The following KCNQ3 variants were observed in gnomAD, a reference collection of about 807,000 sequenced individuals.
KCNQ3 encodes potassium voltage-gated channel subfamily KQT member 3.
In KCNQ3, 30 loss-of-function variants were observed where a neutral mutation model predicts 92.5. The observed-to-expected ratio is 0.32, with a 90% CI of 0.24 to 0.44. KCNQ3 has a LOEUF of 0.44. Among genes scored for constraint, KCNQ3 ranks in the 20% least tolerant of loss-of-function variants. The probability of loss-of-function intolerance (pLI) is 1.00; values close to 1 mark genes in which losing one functional copy is unlikely to be tolerated. For missense variants in KCNQ3, 913 were observed against 1,140.3 expected (o/e 0.80, Z 2.87); for synonymous variants, 450 against 468.8 (o/e 0.96, Z 0.52).
intron 4 of KCNQ3, among the ~76,000 whole-genome samples, chr8:132,179,604 G>T (rs1826683020): frequency 6.6e-6 from 1 of 152,092 alleles, no homozygotes; most frequent in Non-Finnish European, 1.5e-5. Context: ...CATGAGCTTG[G>T]TACCTTCTAA....
chr8:132,333,443 T>C lies in KCNQ3; in HGVS notation c.386+146704A>G, dbSNP rs535303726. Reference sequence around the variant, plus strand: ...TCAGGGGAAAGGGTCTTAGGAAAGCTGGGAGTCAGCATTTTAAGGAAGCCG... The same window carrying C: ...TCAGGGGAAAGGGTCTTAGGAAAGCCGGGAGTCAGCATTTTAAGGAAGCCG... On this transcript the variant is annotated intron_variant, in intron 1 of 14. Transcript: ENST00000388996. 3.9e-5 allele frequency among the ~76,000 whole-genome samples: 6 copies of C among 152,334 alleles called. No individual in the cohort carries two copies. The East Asian group carries it at 1.2e-3, about 29-fold the overall frequency.
intron 1 of KCNQ3, among the ~76,000 whole-genome samples, chr8:132,455,957 G>A (rs1821928923): frequency 6.6e-6 from 1 of 151,858 alleles, no homozygotes; most frequent in Admixed American, 6.6e-5. Flanking sequence ...GTGTTAGCCA[G>A]GATGGTCTCG....
Position 132,184,245 on chromosome 8 carries a change from C to A in KCNQ3, c.600G>T (p.Met200Ile), listed in dbSNP as rs764464104. Residue 200 changes from methionine (M) to isoleucine (I), a missense_variant, in exon 3 of 15, where the codon ATG (methionine) becomes ATT (isoleucine). Physicochemically the swap from Met to Ile is conservative, Grantham distance 10 (BLOSUM62 1). Transcript: ENST00000388996. ...RLKFARKPLCMLDIFVLIASV... is the reference protein window; with the variant it reads ...RLKFARKPLCILDIFVLIASV... ...AGGCTCAGGGTCAGGACTTACCCAACATGCACAGGGGCTTCCTGGCAAACT... is the reference window on the plus strand; with the variant it reads ...AGGCTCAGGGTCAGGACTTACCCAAAATGCACAGGGGCTTCCTGGCAAACT... 1.1e-5 allele frequency: 17 copies of A among 1,614,094 alleles called. No homozygotes were observed. Among genetic ancestry groups the A allele is most frequent in the Admixed American group, 1.7e-5 (1 of 60,004 alleles).
Position 132,187,821 on chromosome 8 carries a change from G to GATA in KCNQ3, c.387-1641_387-1640insTAT, listed in dbSNP as rs1827031159. On this transcript the variant is annotated intron_variant, in intron 1 of 14. Coordinates refer to ENST00000388996, the MANE Select transcript of KCNQ3 (RefSeq NM_004519.4). Reference sequence around the variant, plus strand: ...TGGTGATAGTGATGGTGGTGGTGGTGGTGGTGGTGATTGTGGTGGTGGTGG... The same window carrying GATA: ...TGGTGATAGTGATGGTGGTGGTGGTGATAGTGGTGGTGATTGTGGTGGTGGTGG... Among the ~76,000 whole-genome samples the GATA allele has an allele frequency of 6.8e-5, 10 of 146,734 alleles. No individual in the cohort carries two copies. In the South Asian group the frequency reaches 2.2e-3, roughly 32 times the overall value.
At position 132,232,461 on chromosome 8, in the gene KCNQ3, TCTA is replaced by T. The variant is rs376801029; in HGVS notation, c.387-46283_387-46281del. The stretch of plus-strand genomic sequence containing the variant: ...AATTCTTTATCACACACATTCAGAA[TCTA>T]CTATGCTCCTAGCTCTGTGCTAAGT... On this transcript the variant is annotated intron_variant, in intron 1 of 14. Transcript: ENST00000388996. Among the ~76,000 whole-genome samples the T allele has an allele frequency of 2.6e-5, 4 of 152,368 alleles. No homozygotes were observed. The South Asian group carries it at 6.2e-4, about 24-fold the overall frequency.
At chr8:132,405,108 A>G (rs1820441793) in intron 1 of KCNQ3, among the ~76,000 whole-genome samples, 1 of 152,214 alleles carries the variant, frequency 6.6e-6, no homozygotes, top group African/African-American at 2.4e-5. Flanking sequence ...GCAGCAGATG[A>G]CACATGCTCT....
At chr8:132,326,906 A>G (rs1301916165) in intron 1 of KCNQ3, among the ~76,000 whole-genome samples, 1 of 152,206 alleles carries the variant, frequency 6.6e-6, no homozygotes, top group Admixed American at 6.5e-5. Flanking sequence ...GACTACCTCG[A>G]CCATCTCACC....
At chr8:132,397,027 C>G (rs927786645) in intron 1 of KCNQ3, among the ~76,000 whole-genome samples, 2 of 151,928 alleles carry the variant, frequency 1.3e-5, no homozygotes, top group African/African-American at 2.4e-5. Context: ...GAGAGCCTCT[C>G]TAGTTGGTGC....
intron 8 of KCNQ3, among the ~76,000 whole-genome samples, chr8:132,168,513 G>C (rs1160985185): frequency 6.6e-6 from 1 of 152,140 alleles, no homozygotes; most frequent in Non-Finnish European, 1.5e-5. Flanking sequence ...CTTTTGAGGA[G>C]TGAAAGCAAG....
intron 3 of KCNQ3, among the ~76,000 whole-genome samples, chr8:132,182,882 G>GCGCGCA (rs1491176964): frequency 2.5e-4 from 37 of 146,094 alleles, no homozygotes; most frequent in African/African-American, 9.2e-4. Flanking sequence ...CTCCAATATC[G>GCGCGCA]CACACACACA....
intron 1 of KCNQ3, among the ~76,000 whole-genome samples, chr8:132,380,144 T>C (rs1819709248): frequency 2.0e-5 from 3 of 152,166 alleles, no homozygotes; most frequent in Admixed American, 2.0e-4. Flanking sequence ...GTTCAAGAAC[T>C]TCTTAAGAGA....
chr8:132,144,077 C>A (rs1825380370), intron 9 of KCNQ3, among the ~76,000 whole-genome samples: 1 of 152,340 alleles, frequency 6.6e-6, no homozygotes, highest in Middle Eastern at 3.4e-3. Context: ...TTGGTTCTAT[C>A]TGTGCTGGGA....
intron 1 of KCNQ3, among the ~76,000 whole-genome samples, chr8:132,197,734 A>C (rs1827340560): frequency 6.6e-6 from 1 of 152,156 alleles, no homozygotes; most frequent in Non-Finnish European, 1.5e-5. Flanking sequence ...GGACTGAAGT[A>C]TTTGCCTTCT....
chr8:132,354,739 C>A (rs896335651), intron 1 of KCNQ3, among the ~76,000 whole-genome samples: 3 of 152,248 alleles, frequency 2.0e-5, no homozygotes, highest in African/African-American at 4.8e-5. Flanking sequence ...GGACTGAGAG[C>A]CATTCTGCCA....
At chr8:132,375,891 T>A (rs573824822) in intron 1 of KCNQ3, among the ~76,000 whole-genome samples, 1 of 152,358 alleles carries the variant, frequency 6.6e-6, no homozygotes, top group Non-Finnish European at 1.5e-5. Context: ...TCTCTTCGCA[T>A]GTCATTCGTC....
chr8:132,242,156 T>C (rs1467229929), intron 1 of KCNQ3, among the ~76,000 whole-genome samples: 2 of 152,176 alleles, frequency 1.3e-5, no homozygotes, highest in Non-Finnish European at 2.9e-5. Context: ...ACCTCATATG[T>C]GGGTAAGTGA....
intron 1 of KCNQ3, among the ~76,000 whole-genome samples, chr8:132,296,009 T>C (rs1817010277): frequency 6.6e-6 from 1 of 152,240 alleles, no homozygotes; most frequent in Non-Finnish European, 1.5e-5. Flanking sequence ...AACTTACATG[T>C]TGTGCACATG....
In KCNQ3 at chr8:132,480,352, C is replaced by T. The variant is rs750884730; in HGVS notation, c.181G>A (p.Ala61Thr). 1.3e-5 allele frequency: 21 copies of T among 1,592,524 alleles called. No individual in the cohort carries two copies. In the South Asian group the frequency reaches 2.2e-4, roughly 17 times the overall value. The part of the protein sequence containing the change: ...EQVTLALGAG[A>T]DKDGTLLLEG... ...AGCAGCAGGGTCCCGTCTTTGTCGGCTCCGGCCCCGAGCGCCAAGGTGACT... is the reference window on the plus strand; with the variant it reads ...AGCAGCAGGGTCCCGTCTTTGTCGGTTCCGGCCCCGAGCGCCAAGGTGACT... The change falls in exon 1 of 15, where the codon GCC becomes ACC. Residue 61 changes from alanine to threonine, a missense_variant. This residue lies in a region of KCNQ3 where 183 missense variants were observed against 167.7 expected (regional missense o/e 1.09). Transcript: ENST00000388996.
At chr8:132,151,286 T>C (rs1467899834) in intron 9 of KCNQ3, among the ~76,000 whole-genome samples, 1 of 152,234 alleles carries the variant, frequency 6.6e-6, no homozygotes, top group East Asian at 1.9e-4. Context: ...GACATGTAAT[T>C]GAGACTACTG....
Sources: allele counts gnomAD v4.1 joint callset (sites outside exome capture counted in the v4.1 genomes callset), GRCh38; gene constraint gnomAD v4.1.1; regional missense constraint gnomAD v4.1.1; transcripts MANE v1.5; gene names NCBI Gene and HGNC (gene_info 2026-07-23, HGNC 2026-07-21).